CD247: variants seen among roughly 807,000 people sequenced by gnomAD.
The protein encoded by CD247 is T-cell surface glycoprotein CD3 zeta chain.
In CD247, 13 loss-of-function variants were observed where a neutral mutation model predicts 30.0. The ratio of observed to expected loss-of-function variants is 0.43; its 90% confidence interval spans 0.28 to 0.69. The LOEUF is 0.69. CD247 is among the 30% of genes least tolerant of loss of function. The pLI is 0.16. For missense variants in CD247, 193 were observed against 212.6 expected (o/e 0.91, Z 0.57); for synonymous variants, 72 against 80.0 (o/e 0.90, Z 0.53).
At chr1:167,463,669 G>T (rs192171081) in intron 1 of CD247, among the ~76,000 whole-genome samples, 4 of 152,256 alleles carry the variant, frequency 2.6e-5, no homozygotes, top group East Asian at 1.9e-4. Flanking sequence ...TTATTTTGTG[G>T]AGGAAAATCA....
At chr1:167,515,281 G>A (rs111342652) in intron 1 of CD247, among the ~76,000 whole-genome samples, 41 of 152,302 alleles carry the variant, frequency 2.7e-4, no homozygotes, top group African/African-American at 9.4e-4. Flanking sequence ...ATACTCAGTC[G>A]CTGTGCACCC....
intron 1 of CD247, among the ~76,000 whole-genome samples, chr1:167,476,782 A>G (rs775142522): frequency 2.6e-5 from 4 of 152,356 alleles, no homozygotes; most frequent in South Asian, 4.1e-4. Flanking sequence ...CCTGGGCAAG[A>G]GTGAGACTGT....
intron 1 of CD247, among the ~76,000 whole-genome samples, chr1:167,464,393 G>T (rs73030136): frequency 0.023 from 3,500 of 152,192 alleles, 147 homozygotes; most frequent in African/African-American, 0.08. Context: ...TGAGTGATGG[G>T]TTCCTAAAAA....
chr1:167,470,195 T>C (rs1179866915), intron 1 of CD247, among the ~76,000 whole-genome samples: 1 of 152,202 alleles, frequency 6.6e-6, no homozygotes, highest in African/African-American at 2.4e-5. Flanking sequence ...ATTACAGGCA[T>C]GAGCCACCAT....
rs145129145 is a variant in CD247, at chr1:167,450,332, C to T, written c.59-9565G>A. Among the ~76,000 whole-genome samples the T allele has an allele frequency of 1.3e-4, 20 of 152,028 alleles. No homozygotes were observed. The East Asian group carries it at 3.1e-3, about 24-fold the overall frequency. On this transcript the variant is annotated intron_variant, in intron 1 of 7. Coordinates refer to ENST00000362089, the MANE Select transcript of CD247 (RefSeq NM_198053.3). ...GCAACATGGCAAGACCCTCCCTCTA[C>T]AAAAAATAAAAAATTAGCTGGGCAT... is the stretch of plus-strand genomic sequence containing the variant.
intron 7 of CD247, among the ~76,000 whole-genome samples, chr1:167,432,093 G>C (rs1651298454): frequency 8.1e-6 from 1 of 124,102 alleles, no homozygotes; most frequent in African/African-American, 3.2e-5. Flanking sequence ...TCCCATATTG[G>C]GCAGGAATCA....
chr1:167,433,664 T>G (rs1651390066), intron 6 of CD247, among the ~76,000 whole-genome samples: 1 of 151,996 alleles, frequency 6.6e-6, no homozygotes, highest in Non-Finnish European at 1.5e-5. Context: ...TGAACAATTC[T>G]TAATTGTTGA....
In CD247 at chr1:167,431,093, C is replaced by T. The variant is rs1423787904; in HGVS notation, c.*588G>A. On this transcript the variant is annotated 3_prime_UTR_variant, in exon 8 of 8. Transcript: ENST00000362089. ...CTCCCGCTGCCCTCGCAGGCCCTGG[C>T]TGACCCTCCCCTGCCCGCCCACCTT... 3 of 423,840 alleles carry T rather than the reference C, an allele frequency of 7.1e-6. No homozygotes were observed. The highest frequency in any genetic ancestry group is 1.2e-5 in the Non-Finnish European group (3 of 240,066). 26.3% of individuals were successfully genotyped at this position (423,840 alleles called of 1,614,324 possible). A position where few individuals can be genotyped will look rare whatever the true frequency, so the allele number is the denominator to read the frequency against.
chr1:167,440,439 G>A (rs1651772002), intron 2 of CD247: 1 of 597,562 alleles, frequency 1.7e-6, no homozygotes, highest in Non-Finnish European at 3.0e-6. Flanking sequence ...TTGTCATGGA[G>A]GTGCCTAGCA....
chr1:167,439,578 C>A, intron 2 of CD247, 178 bp from the exon 3 acceptor site: 1 of 622,304 alleles, frequency 1.6e-6, no homozygotes, highest in Non-Finnish European at 2.9e-6. Context: ...GCCCCTTTTT[C>A]TGAGCCCAGT....
intron 1 of CD247, chr1:167,457,427 A>G (rs1294294374): frequency 6.6e-6 from 1 of 152,332 alleles, no homozygotes; most frequent in Non-Finnish European, 1.5e-5. Context: ...AAATGGAGCT[A>G]GAATCTTGCC....
rs969509235 is a variant in CD247 at position 167,494,040 on chromosome 1, G to A, written c.58+24368C>T. Among the ~76,000 whole-genome samples the A allele has an allele frequency of 2.0e-5, 3 of 151,716 alleles. No homozygotes were observed. Among genetic ancestry groups the A allele is most frequent in the African/African-American group, 7.3e-5 (3 of 41,038 alleles). ...TCTTCTCAGGGCTCTGCTGAGTTGG[G>A]TGGGGGAGGCTGGAGGCTGCAAAAT... On this transcript the variant is annotated intron_variant, in intron 1 of 7. Transcript: ENST00000362089. This position sits in a 1 kb window ranked among gnomAD's most constrained non-coding sequence, Gnocchi z 7.3.
chr1:167,448,868 A>T (rs1652214477), intron 1 of CD247, among the ~76,000 whole-genome samples: 1 of 152,204 alleles, frequency 6.6e-6, no homozygotes, highest in Non-Finnish European at 1.5e-5. Flanking sequence ...CTAAAAAAAT[A>T]AATAAACAAA....
intron 1 of CD247, among the ~76,000 whole-genome samples, chr1:167,441,458 A>G (rs944128137): frequency 6.6e-6 from 1 of 151,848 alleles, no homozygotes; most frequent in Non-Finnish European, 1.5e-5. Context: ...TCCCAGCTCC[A>G]TGGCCTCAGC....
intron 1 of CD247, among the ~76,000 whole-genome samples, chr1:167,443,198 A>G (rs1442470558): frequency 6.6e-6 from 1 of 152,148 alleles, no homozygotes; most frequent in African/African-American, 2.4e-5. Context: ...CCCTCCATCT[A>G]GGCTGTCAGC....
chr1:167,443,733 C>T (rs1351535864), intron 1 of CD247, among the ~76,000 whole-genome samples: 2 of 152,096 alleles, frequency 1.3e-5, no homozygotes, highest in African/African-American at 2.4e-5. Flanking sequence ...TCTTCCTTCC[C>T]TCCTTCCTTC....
chr1:167,508,457 T>C (rs1655242721), intron 1 of CD247, among the ~76,000 whole-genome samples: 1 of 152,238 alleles, frequency 6.6e-6, no homozygotes, highest in African/African-American at 2.4e-5. Flanking sequence ...TCTGAGCTGT[T>C]CTTTTGAAGC....
At chr1:167,431,849 C>CAG in intron 7 of CD247, 103 bp from the exon 8 acceptor site, 1 of 968,316 alleles carries the variant, frequency 1.0e-6, no homozygotes, top group Non-Finnish European at 1.7e-6. Context: ...AGCCCTGTGA[C>CAG]CACCCACCCA....
chr1:167,451,023 G>A (rs1436064715), intron 1 of CD247, among the ~76,000 whole-genome samples: 4 of 152,108 alleles, frequency 2.6e-5, no homozygotes, highest in East Asian at 1.9e-4. Context: ...TGGTCAGAGC[G>A]GGCTTCAGCT....
Sources: allele counts gnomAD v4.1 joint callset (sites outside exome capture counted in the v4.1 genomes callset), GRCh38; gene constraint gnomAD v4.1.1; non-coding constraint Gnocchi (gnomAD v3.1); transcripts MANE v1.5; gene names NCBI Gene and HGNC (gene_info 2026-07-23, HGNC 2026-07-21).